KCND2: variants seen among roughly 807,000 people sequenced by gnomAD.
KCND2 encodes A-type voltage-gated potassium channel KCND2.
KCND2 carries 16 observed loss-of-function variants against 54.4 expected under a neutral mutation model. The ratio of observed to expected loss-of-function variants is 0.29; its 90% CI spans 0.20 to 0.45. The LOEUF is 0.45. Among genes scored for constraint, KCND2 ranks in the 20% least tolerant of loss-of-function variants. KCND2 has a pLI of 1.00. For missense variants in KCND2, 486 were observed against 824.2 expected, an observed-to-expected ratio of 0.59 and a Z score of 5.02; for synonymous variants, 317 against 310.7, an observed-to-expected ratio of 1.02 and a Z score of -0.21.
chr7:120,439,323 G>A (rs1319338389), intron 1 of KCND2, among the ~76,000 whole-genome samples: 2 of 151,998 alleles, frequency 1.3e-5, no homozygotes, highest in African/African-American at 4.8e-5. Flanking sequence ...AAATAGTGAT[G>A]TTAGGAGAAA....
intron 1 of KCND2, among the ~76,000 whole-genome samples, chr7:120,461,136 G>T (rs1212728566): frequency 6.6e-6 from 1 of 152,096 alleles, no homozygotes; most frequent in Non-Finnish European, 1.5e-5. Flanking sequence ...GGTTGCCACT[G>T]TGTTGACATT....
chr7:120,286,204 C>A (rs1346382678), intron 1 of KCND2, among the ~76,000 whole-genome samples: 1 of 151,876 alleles, frequency 6.6e-6, no homozygotes, highest in African/African-American at 2.4e-5. Context: ...ATTTTTGGAT[C>A]TGTACATACT....
chr7:120,609,628 C>G (rs1049154338), intron 1 of KCND2, among the ~76,000 whole-genome samples: 2 of 152,212 alleles, frequency 1.3e-5, no homozygotes, highest in East Asian at 3.9e-4. Context: ...AAAAATGCTC[C>G]CATCTATAGT....
intron 1 of KCND2, among the ~76,000 whole-genome samples, chr7:120,678,422 C>G (rs897940813): frequency 7.2e-6 from 1 of 139,784 alleles, no homozygotes; most frequent in Admixed American, 8.0e-5. Context: ...TACACATACA[C>G]ACATATATAT....
At chr7:120,288,304 T>C (rs1424480215) in intron 1 of KCND2, among the ~76,000 whole-genome samples, 1 of 152,138 alleles carries the variant, frequency 6.6e-6, no homozygotes, top group Non-Finnish European at 1.5e-5. Context: ...TAGAATAGTC[T>C]TTGGGTATGT....
At chr7:120,629,159 C>A (rs1793197660) in intron 1 of KCND2, among the ~76,000 whole-genome samples, 1 of 152,156 alleles carries the variant, frequency 6.6e-6, no homozygotes, top group Non-Finnish European at 1.5e-5. Context: ...AGTTGAAGGG[C>A]CCTGAAGCGA....
At chr7:120,393,305 C>A (rs1801104958) in intron 1 of KCND2, among the ~76,000 whole-genome samples, 1 of 151,984 alleles carries the variant, frequency 6.6e-6, no homozygotes. Flanking sequence ...TTGCCTAGCA[C>A]AATACCAAAC....
At chr7:120,314,453 A>T (rs1207221508) in intron 1 of KCND2, among the ~76,000 whole-genome samples, 1 of 152,116 alleles carries the variant, frequency 6.6e-6, no homozygotes, top group Non-Finnish European at 1.5e-5. Context: ...TAATGTATGG[A>T]CAGTGTGGGA....
At chr7:120,379,567 A>G (rs1176583026) in intron 1 of KCND2, among the ~76,000 whole-genome samples, 1 of 152,102 alleles carries the variant, frequency 6.6e-6, no homozygotes, top group Non-Finnish European at 1.5e-5. Context: ...AAAACGTGTC[A>G]TCCTCAACTT....
chr7:120,619,719 G>C (rs1793073878), intron 1 of KCND2, among the ~76,000 whole-genome samples: 1 of 152,186 alleles, frequency 6.6e-6, no homozygotes, highest in South Asian at 2.1e-4. Context: ...AATAAAATTT[G>C]TAACAATGGC....
chr7:120,448,138 T>G (rs1426552418), intron 1 of KCND2, among the ~76,000 whole-genome samples: 3 of 152,130 alleles, frequency 2.0e-5, no homozygotes, highest in Admixed American at 2.0e-4. Context: ...CATTAACTCG[T>G]CATTTACATT....
intron 1 of KCND2, among the ~76,000 whole-genome samples, chr7:120,714,833 A>C (rs192690634): frequency 2.8e-4 from 42 of 150,670 alleles, no homozygotes; most frequent in Non-Finnish European, 5.5e-4. Context: ...ATCTTTTGCT[A>C]ATCTGAAATT....
At chr7:120,484,456 C>T (rs945567700) in intron 1 of KCND2, among the ~76,000 whole-genome samples, 1 of 151,162 alleles carries the variant, frequency 6.6e-6, no homozygotes, top group East Asian at 1.9e-4. Context: ...TTCCTGGCCT[C>T]TGATTTATTA....
chr7:120,312,296 A>T (rs761689056), intron 1 of KCND2, among the ~76,000 whole-genome samples: 1 of 152,064 alleles, frequency 6.6e-6, no homozygotes, highest in African/African-American at 2.4e-5. Flanking sequence ...ATTGATGGGC[A>T]TTTAGGTTGA....
chr7:120,484,393 ATCCC>A (rs1200628147), intron 1 of KCND2, among the ~76,000 whole-genome samples: 13 of 151,878 alleles, frequency 8.6e-5, no homozygotes, highest in Admixed American at 7.9e-4. Context: ...GGCTCAAGGG[ATCCC>A]CTTGCCTTGG....
chr7:120,666,885 T>G (rs1442890064), intron 1 of KCND2, among the ~76,000 whole-genome samples: 1 of 152,048 alleles, frequency 6.6e-6, no homozygotes, highest in East Asian at 1.9e-4. Context: ...AAATTAAGCG[T>G]AAAGAAATTT....
At chr7:120,432,681 G>A (rs1267052425) in intron 1 of KCND2, among the ~76,000 whole-genome samples, 1 of 152,106 alleles carries the variant, frequency 6.6e-6, no homozygotes, top group African/African-American at 2.4e-5. Flanking sequence ...GTCTCACTCT[G>A]TCTCCCAGGC....
At chr7:120,436,739 C>T (rs1400706669) in intron 1 of KCND2, among the ~76,000 whole-genome samples, 1 of 152,152 alleles carries the variant, frequency 6.6e-6, no homozygotes, top group East Asian at 1.9e-4. Flanking sequence ...CCACTGCAGC[C>T]TCCTTGTCCT....
chr7:120,400,695 T>C (rs1437805401), intron 1 of KCND2, among the ~76,000 whole-genome samples: 1 of 152,142 alleles, frequency 6.6e-6, no homozygotes, highest in African/African-American at 2.4e-5. Context: ...GTGCAGAACT[T>C]CATTTTAAAA....
Sources: gnomAD v4.1 joint callset for allele counts (sites outside exome capture counted in the v4.1 genomes callset) on GRCh38, gnomAD v4.1.1 for gene constraint, MANE v1.5 for transcripts, NCBI Gene and HGNC (gene_info 2026-07-23, HGNC 2026-07-21) for gene names.